EPM2A: variants seen among roughly 807,000 people sequenced by gnomAD.
EPM2A encodes the protein laforin.
Under a neutral mutation model 26.5 loss-of-function variants are expected in EPM2A, and 21 were observed. The observed-to-expected ratio is 0.79, with a 90% CI of 0.56 to 1.14. The LOEUF (loss-of-function observed/expected upper bound fraction) is 1.14. Among genes scored for constraint, EPM2A ranks in the 50% most tolerant of loss-of-function variants. The pLI is 0.00. For synonymous variants in EPM2A, 217 were observed against 177.6 expected (o/e 1.22, Z -1.76); for missense variants, 458 against 440.8 (o/e 1.04, Z -0.35).
intron 2 of EPM2A, among the ~76,000 whole-genome samples, chr6:145,557,241 A>G (rs568412966): frequency 6.6e-6 from 1 of 152,238 alleles, no homozygotes; most frequent in South Asian, 2.1e-4. Flanking sequence ...TATAAGCTCA[A>G]CTGCAAGGAA....
chr6:145,626,778 A>C lies in EPM2A; in HGVS notation c.*638T>G. ...TGCTTTGTTTGGTAATTTTGAGGAA[A>C]AACAACAACAAATGAGAGATAATTC... On this transcript the variant is annotated 3_prime_UTR_variant, in exon 4 of 4. Transcript: ENST00000367519. 1 of 985,936 alleles carries C rather than the reference A, an allele frequency of 1.0e-6. No homozygotes were observed. The highest frequency in any genetic ancestry group is 1.2e-6 in the Non-Finnish European group (1 of 830,336). 61.1% of individuals were successfully genotyped at this position (985,936 alleles called of 1,614,324 possible).
intron 4 of EPM2A, among the ~76,000 whole-genome samples, chr6:145,419,187 C>CCCCCA (rs1554235086): frequency 1.3e-5 from 2 of 150,464 alleles, no homozygotes; most frequent in Non-Finnish European, 3.0e-5. Context: ...ATGTCCCCCC[C>CCCCCA]CCCCGCTCCT....
chr6:145,491,280 A>G (rs567701923), intron 4 of EPM2A: 78 of 355,096 alleles, frequency 2.2e-4, no homozygotes, highest in Middle Eastern at 9.8e-4. Flanking sequence ...GGCAAACTCT[A>G]CTCATTGGAA....
At chr6:145,708,446 A>T (rs1583096589) in intron 1 of EPM2A, among the ~76,000 whole-genome samples, 1 of 152,116 alleles carries the variant, frequency 6.6e-6, no homozygotes, top group South Asian at 2.1e-4. Flanking sequence ...CAGCCTAGAA[A>T]CTTGGTGCCC....
chr6:145,557,127 C>G (rs59557516), intron 2 of EPM2A, among the ~76,000 whole-genome samples: 10,229 of 152,118 alleles, frequency 0.067, 1,153 homozygotes, highest in African/African-American at 0.23. Flanking sequence ...ATCATATCTT[C>G]GCAAGAGTGT....
intron 2 of EPM2A, among the ~76,000 whole-genome samples, chr6:145,646,042 A>C (rs144850932): frequency 3.9e-5 from 6 of 152,300 alleles, no homozygotes; most frequent in Admixed American, 1.3e-4. Context: ...CCCTTAAACA[A>C]TGTAAATTAT....
At chr6:145,425,643 A>G (rs946984021) in intron 4 of EPM2A, among the ~76,000 whole-genome samples, 9 of 152,086 alleles carry the variant, frequency 5.9e-5, no homozygotes, top group African/African-American at 1.2e-4. Flanking sequence ...AAAAAAAAAA[A>G]AAAAAGAAAA....
rs1000509796 is a variant in EPM2A, at chr6:145,425,175, ACTCT to A, written c.556-41082_556-41079del. 1.2e-4 allele frequency among the ~76,000 whole-genome samples: 6 copies of A among 51,404 alleles called. 1 individual carries two copies. In the South Asian group the frequency reaches 3.2e-3, roughly 27 times the overall value. The allele number at this position is 51,404 out of a possible 152,430, so 33.7% of individuals were successfully genotyped here. A position where few individuals can be genotyped will look rare whatever the true frequency, so the allele number is the denominator to read the frequency against. On this transcript the variant is annotated intron_variant, in intron 4 of 4. Transcript: ENST00000638717. The stretch of plus-strand genomic sequence containing the variant: ...CTTCCTTCCTTTCCTTCCGTCTCTC[ACTCT>A]CTCTTTCTTTCTTTGACGTAGTCTT...
At chr6:145,571,542 A>G (rs567613713) in intron 2 of EPM2A, among the ~76,000 whole-genome samples, 1 of 152,200 alleles carries the variant, frequency 6.6e-6, no homozygotes, top group Non-Finnish European at 1.5e-5. Context: ...GTAAGTGTCC[A>G]TTTCAGTGAG....
chr6:145,535,276 C>G (rs1236212141), intron 2 of EPM2A, among the ~76,000 whole-genome samples: 1 of 152,204 alleles, frequency 6.6e-6, no homozygotes, highest in Non-Finnish European at 1.5e-5. Flanking sequence ...TTATTAAATT[C>G]TGACAACCCT....
At chr6:145,442,923 C>A (rs1779083944) in intron 4 of EPM2A, among the ~76,000 whole-genome samples, 1 of 151,910 alleles carries the variant, frequency 6.6e-6, no homozygotes, top group Non-Finnish European at 1.5e-5. Flanking sequence ...TGCAGTGGCA[C>A]CATCTCTGCT....
At chr6:145,505,775 T>G (rs1380004167) in intron 2 of EPM2A, among the ~76,000 whole-genome samples, 2 of 152,236 alleles carry the variant, frequency 1.3e-5, no homozygotes, top group Non-Finnish European at 2.9e-5. Context: ...ATTATTTTCT[T>G]AATAAAAATT....
intron 1 of EPM2A, among the ~76,000 whole-genome samples, chr6:145,715,522 A>C (rs1217190059): frequency 6.6e-6 from 1 of 152,180 alleles, no homozygotes; most frequent in African/African-American, 2.4e-5. Context: ...TTGTACTTTA[A>C]ATCAGGGGTC....
chr6:145,418,156 C>T (rs1778734191), intron 4 of EPM2A, among the ~76,000 whole-genome samples: 1 of 152,168 alleles, frequency 6.6e-6, no homozygotes, highest in South Asian at 2.1e-4. Context: ...TGATATGCTT[C>T]TCAGAGGCCT....
intron 4 of EPM2A, among the ~76,000 whole-genome samples, chr6:145,472,447 A>G (rs113730652): frequency 7.5e-6 from 1 of 132,772 alleles, no homozygotes; most frequent in African/African-American, 4.0e-5. Flanking sequence ...GGGGTAGAGT[A>G]CCAAGCAGGG....
At chr6:145,619,729 A>G (rs1775591451) in intron 2 of EPM2A, among the ~76,000 whole-genome samples, 1 of 152,226 alleles carries the variant, frequency 6.6e-6, no homozygotes, top group Non-Finnish European at 1.5e-5. Context: ...AAAATTTAAG[A>G]ACACAAAAAG....
chr6:145,680,790 A>G (rs1780467986), intron 2 of EPM2A, among the ~76,000 whole-genome samples: 1 of 152,030 alleles, frequency 6.6e-6, no homozygotes, highest in African/African-American at 2.4e-5. Context: ...CCAGTCTATC[A>G]TTGTTGGACA....
chr6:145,428,990 G>A (rs1179129528), intron 4 of EPM2A, among the ~76,000 whole-genome samples: 1 of 152,186 alleles, frequency 6.6e-6, no homozygotes, highest in African/African-American at 2.4e-5. Context: ...GTACAAGAGA[G>A]CTCATAACCA....
At chr6:145,454,748 C>T (rs1779238457) in intron 4 of EPM2A, among the ~76,000 whole-genome samples, 1 of 152,252 alleles carries the variant, frequency 6.6e-6, no homozygotes, top group East Asian at 1.9e-4. Flanking sequence ...ATATATGAAA[C>T]TTTACACCCA....
Sources: gnomAD v4.1 joint callset for allele counts (sites outside exome capture counted in the v4.1 genomes callset) on GRCh38, gnomAD v4.1.1 for gene constraint, MANE v1.5 for transcripts, NCBI Gene and HGNC (gene_info 2026-07-23, HGNC 2026-07-21) for gene names.